STAB2: variants seen among roughly 807,000 people sequenced by gnomAD.
The protein encoded by STAB2 is stabilin-2.
In STAB2, 288 loss-of-function variants were observed where a neutral mutation model predicts 338.1. The observed-to-expected ratio is 0.85, with a 90% CI of 0.77 to 0.94. The LOEUF (loss-of-function observed/expected upper bound fraction) is 0.94. Among genes scored for constraint, STAB2 ranks in the 40% least tolerant of loss-of-function variants. The pLI, the probability that STAB2 is intolerant of heterozygous loss-of-function variation, is 0.00. For synonymous variants in STAB2, 1,202 were observed against 1,193.3 expected, an observed-to-expected ratio of 1.01 and a Z score of -0.15; for missense variants, 3,141 against 3,210.1, an observed-to-expected ratio of 0.98 and a Z score of 0.52.
At chr12:103,750,773 G>A (rs1883569385) in intron 60 of STAB2, 53 bp downstream of exon 60, 2 of 1,559,530 alleles carry the variant, frequency 1.3e-6, no homozygotes, top group South Asian at 2.3e-5. Flanking sequence ...CAGGCCTGGG[G>A]AAGGGACCCT....
At chr12:103,675,702 G>A (rs753697164) in intron 23 of STAB2, among the ~76,000 whole-genome samples, 8 of 152,224 alleles carry the variant, frequency 5.3e-5, no homozygotes, top group Admixed American at 3.3e-4. Context: ...TAAGGGACTC[G>A]TGCAGTGTCA....
chr12:103,702,138 TAAAAA>T lies in STAB2; in HGVS notation c.3715-997_3715-993del, dbSNP rs34319571. Among the ~76,000 whole-genome samples, 45 of 145,934 alleles carry T rather than the reference TAAAAA, an allele frequency of 3.1e-4. 1 individual carries two copies. The South Asian group carries it at 7.1e-3, about 23-fold the overall frequency. On this transcript the variant is annotated intron_variant, in intron 34 of 68. Transcript: ENST00000388887. ...GATTACTCATTAAAGTGTTCTTCCC[TAAAAA>T]AAAAAAAAAAAATCAAAACAAATTG...
chr12:103,629,747 G>C (rs758875592), intron 5 of STAB2, among the ~76,000 whole-genome samples: 33 of 152,190 alleles, frequency 2.2e-4, no homozygotes, highest in Non-Finnish European at 4.1e-4. Context: ...CCATTGGTTG[G>C]TCATGTCATA....
At chr12:103,607,270 C>T (rs550531087) in intron 3 of STAB2, among the ~76,000 whole-genome samples, 17 of 151,952 alleles carry the variant, frequency 1.1e-4, no homozygotes, top group Non-Finnish European at 2.4e-4. Context: ...TTTTCAGAGA[C>T]TCCAGTTATA....
chr12:103,625,017 C>T (rs969003741), intron 5 of STAB2, among the ~76,000 whole-genome samples: 3 of 150,844 alleles, frequency 2.0e-5, no homozygotes, highest in African/African-American at 7.3e-5. Context: ...AGGACAGCAA[C>T]TAAAATGTAA....
chr12:103,688,331 C>A, intron 28 of STAB2, 116 bp downstream of exon 28: 1 of 995,412 alleles, frequency 1.0e-6, no homozygotes, highest in Non-Finnish European at 1.6e-6. Context: ...TTGTGCTGAG[C>A]AGTGTTTCTC....
chr12:103,592,400 C>T (rs1565948582), intron 2 of STAB2, among the ~76,000 whole-genome samples: 1 of 152,154 alleles, frequency 6.6e-6, no homozygotes, highest in South Asian at 2.1e-4. Context: ...CACAAGCACA[C>T]ACACACATAC....
intron 30 of STAB2, among the ~76,000 whole-genome samples, 178 bp from the exon 31 acceptor site, chr12:103,692,634 T>A (rs1054008651): frequency 2.0e-5 from 3 of 151,052 alleles, no homozygotes; most frequent in Non-Finnish European, 3.0e-5. Context: ...TGCACGTGTG[T>A]GAGAGAGAGA....
intron 33 of STAB2, 32 bp from the exon 34 acceptor site, chr12:103,699,061 CTCT>C (rs1158897145): frequency 6.3e-7 from 1 of 1,583,870 alleles, no homozygotes; most frequent in Non-Finnish European, 8.6e-7. Flanking sequence ...TCAGGCTGAT[CTCT>C]TGACTGACTT....
chr12:103,651,290 G>A (rs532320023), intron 11 of STAB2, among the ~76,000 whole-genome samples: 8 of 147,832 alleles, frequency 5.4e-5, no homozygotes, highest in Non-Finnish European at 1.2e-4. Context: ...CATCTAACAT[G>A]TGTTTTTATT....
At chr12:103,669,244 T>G in intron 20 of STAB2, 1 of 356,606 alleles carries the variant, frequency 2.8e-6, no homozygotes, top group Non-Finnish European at 5.2e-6. Context: ...TTACTGTTTT[T>G]AAAATTCATA....
At chr12:103,733,674 C>T (rs1881827002) in intron 51 of STAB2, among the ~76,000 whole-genome samples, 1 of 151,942 alleles carries the variant, frequency 6.6e-6, no homozygotes, top group Non-Finnish European at 1.5e-5. Flanking sequence ...CATGCATGAT[C>T]ACATAGGAAC....
chr12:103,712,260 C>T, intron 40 of STAB2, 107 bp from the exon 41 acceptor site: 3 of 860,756 alleles, frequency 3.5e-6, no homozygotes, highest in Non-Finnish European at 6.0e-6. Context: ...TTATGAGTGT[C>T]TCATGGGGGC....
intron 3 of STAB2, among the ~76,000 whole-genome samples, chr12:103,598,477 C>G (rs1956909426): frequency 6.6e-6 from 1 of 152,136 alleles, no homozygotes; most frequent in African/African-American, 2.4e-5. Flanking sequence ...GTCTTATCAG[C>G]TTCTTGAGCA....
chr12:103,726,640 G>A (rs1202101237), intron 46 of STAB2, among the ~76,000 whole-genome samples: 4 of 152,160 alleles, frequency 2.6e-5, no homozygotes, highest in African/African-American at 9.7e-5. Flanking sequence ...CATCACACTG[G>A]TAGAGAAAAA....
At chr12:103,619,919 C>T (rs1957272077) in intron 3 of STAB2, among the ~76,000 whole-genome samples, 1 of 152,176 alleles carries the variant, frequency 6.6e-6, no homozygotes, top group Admixed American at 6.5e-5. Context: ...CCAATTCCTA[C>T]TGCACCTTCA....
intron 34 of STAB2, among the ~76,000 whole-genome samples, chr12:103,699,850 A>G (rs939450826): frequency 5.9e-5 from 9 of 152,226 alleles, no homozygotes; most frequent in African/African-American, 2.2e-4. Flanking sequence ...GAATCTCTGC[A>G]GTCATAGGCG....
In STAB2 at chr12:103,699,231, C is replaced by T. The variant is rs374683198; in HGVS notation, c.3714+4C>T. The T allele has an allele frequency of 2.1e-5, 33 of 1,607,118 alleles. No individual in the cohort carries two copies. Among genetic ancestry groups the T allele is most frequent in the Admixed American group, 1.3e-4 (8 of 59,816 alleles). On this transcript the variant is annotated splice_donor_region_variant and intron_variant, in intron 34 of 68. Transcript: ENST00000388887. ...CTTCTTTCTCCATAATGACCAGGTA[C>T]GATCCTTTTATGTAAAACCCCAGCA...
At chr12:103,753,986 A>G (rs1350174359) in intron 61 of STAB2, among the ~76,000 whole-genome samples, 1 of 152,296 alleles carries the variant, frequency 6.6e-6, no homozygotes, top group Non-Finnish European at 1.5e-5. Flanking sequence ...CTTAACCTCT[A>G]AAACTAGAAG....
Sources: allele counts gnomAD v4.1 joint callset (sites outside exome capture counted in the v4.1 genomes callset), GRCh38; gene constraint gnomAD v4.1.1; transcripts MANE v1.5; gene names NCBI Gene and HGNC (gene_info 2026-07-23, HGNC 2026-07-21).